LGR5: variants seen among roughly 807,000 people sequenced by gnomAD.
LGR5 encodes leucine rich repeat containing G protein-coupled receptor 5, also known as leucine-rich repeat-containing G protein-coupled receptor 5.
LGR5 carries 54 observed loss-of-function variants against 76.7 expected under a neutral mutation model. The observed-to-expected ratio is 0.70, with a 90% CI of 0.57 to 0.88. The LOEUF (loss-of-function observed/expected upper bound fraction) is 0.88, where lower values mean the gene tolerates loss of function less well. Ranked by LOEUF, LGR5 falls within the 40% of genes least tolerant of loss-of-function variation. LGR5 has a pLI of 0.00. For synonymous variants in LGR5, 406 were observed against 421.9 expected (o/e 0.96, Z 0.46); for missense variants, 1,078 against 1,073.3 (o/e 1.00, Z -0.06).
intron 6 of LGR5, among the ~76,000 whole-genome samples, chr12:71,558,747 A>T (rs1286097404): frequency 6.6e-6 from 1 of 152,202 alleles, no homozygotes; most frequent in African/African-American, 2.4e-5. Flanking sequence ...TTTCTGCGTC[A>T]TCTGGGAAAT....
At position 71,439,921 on chromosome 12, in the gene LGR5, T is replaced by C. The variant is rs554019809; in HGVS notation, c.-160T>C. On this transcript the variant is annotated 5_prime_UTR_variant, in exon 1 of 18. Transcript: ENST00000266674. ...ACCTCTGTCCCCGCCGCGCTTCTCC[T>C]CGCCGCCCACGCCGTGGGGTCAGGA... The C allele has an allele frequency of 1.1e-4, 66 of 626,026 alleles. No individual in the cohort carries two copies. The East Asian group carries it at 2.1e-3, about 20-fold the overall frequency. 38.8% of individuals were successfully genotyped at this position (626,026 alleles called of 1,614,324 possible).
intron 2 of LGR5, among the ~76,000 whole-genome samples, chr12:71,508,948 CTTTGT>C (rs1251389115): frequency 2.0e-5 from 3 of 151,910 alleles, no homozygotes; most frequent in South Asian, 2.1e-4. Flanking sequence ...TTTAGTTTTG[CTTTGT>C]TTTGTTTTGT....
intron 6 of LGR5, 137 bp downstream of exon 6, chr12:71,556,827 A>G (rs1877794978): frequency 1.5e-6 from 1 of 683,534 alleles, no homozygotes; most frequent in Admixed American, 2.3e-5. Context: ...CAGTGGCATT[A>G]TCTTACACAC....
intron 1 of LGR5, among the ~76,000 whole-genome samples, chr12:71,454,614 G>A (rs1036693891): frequency 1.3e-5 from 2 of 152,124 alleles, no homozygotes; most frequent in Admixed American, 6.6e-5. Flanking sequence ...GAACTCAAAG[G>A]AGAGGTGAAG....
In LGR5 at chr12:71,535,206, C is replaced by T; in HGVS notation, c.428+20C>T. 1 of 1,489,816 alleles carries T rather than the reference C, an allele frequency of 6.7e-7. No individual in the cohort carries two copies. The highest frequency in any genetic ancestry group is 9.3e-7 in the Non-Finnish European group (1 of 1,070,846). The allele number at this position is 1,489,816 out of a possible 1,614,324, so 92.3% of individuals were successfully genotyped here. ...ATCCCTGTAAGTATAGTAGACATTG[C>T]AAAATATATTTAAGATCAATTTGGG... On this transcript the variant is annotated intron_variant, in intron 4 of 17. Coordinates refer to ENST00000266674, the MANE Select transcript of LGR5 (RefSeq NM_003667.4).
intron 1 of LGR5, among the ~76,000 whole-genome samples, chr12:71,470,591 G>T (rs965267578): frequency 6.6e-6 from 1 of 152,182 alleles, no homozygotes; most frequent in Admixed American, 6.5e-5. Flanking sequence ...ACACAAATGT[G>T]TATAGAATCA....
chr12:71,572,842 C>A lies in LGR5; in HGVS notation c.1137-8C>A. ...TTGAAATCAATCTTTGGAACCCTGT[C>A]ATTTCAGTGACCTAAGACATAATGA... On this transcript the variant is annotated splice_polypyrimidine_tract_variant and splice_region_variant and intron_variant, in intron 12 of 17. Transcript: ENST00000266674. 6.2e-7 allele frequency: 1 copy of A among 1,609,472 alleles called. No individual in the cohort carries two copies. The highest frequency in any genetic ancestry group is 1.1e-5 in the South Asian group (1 of 90,770).
intron 1 of LGR5, among the ~76,000 whole-genome samples, chr12:71,463,543 A>G (rs1170071383): frequency 6.6e-6 from 1 of 152,216 alleles, no homozygotes; most frequent in African/African-American, 2.4e-5. Flanking sequence ...CTGGTTCTAC[A>G]AAGTACTCAG....
intron 1 of LGR5, among the ~76,000 whole-genome samples, chr12:71,494,175 T>C (rs1184338076): frequency 6.6e-6 from 1 of 150,914 alleles, no homozygotes; most frequent in Non-Finnish European, 1.5e-5. Flanking sequence ...CTTGATCTCC[T>C]GACCTCGTGA....
At chr12:71,579,428 G>A (rs1021423003) in intron 15 of LGR5, among the ~76,000 whole-genome samples, 1 of 152,066 alleles carries the variant, frequency 6.6e-6, no homozygotes, top group Non-Finnish European at 1.5e-5. Flanking sequence ...TTAAAATTAT[G>A]AAAATAATAA....
rs1565770577 is a variant in LGR5, at chr12:71,571,580, G to GT, written c.1136+2dup. ...CAGTCTGCCAAAAGCTTCAGAAAAT[G>GT]TAAGTCTAGAAGTCTCTAAGTCACC... On this transcript the variant is annotated splice_donor_variant, in intron 12 of 17. Transcript: ENST00000266674. LOFTEE classifies it high-confidence loss of function. 2 of 1,607,052 alleles carry GT rather than the reference G, an allele frequency of 1.2e-6. No individual in the cohort carries two copies. The highest frequency in any genetic ancestry group is 2.2e-5 in the East Asian group (1 of 44,812).
intron 1 of LGR5, among the ~76,000 whole-genome samples, chr12:71,478,755 T>C (rs1873451844): frequency 6.6e-6 from 1 of 152,228 alleles, no homozygotes; most frequent in Admixed American, 6.5e-5. Flanking sequence ...ATTCAGGGGC[T>C]ATCTTGTAAT....
chr12:71,444,928 C>T (rs188919499), intron 1 of LGR5, among the ~76,000 whole-genome samples: 1 of 152,194 alleles, frequency 6.6e-6, no homozygotes, highest in Admixed American at 6.5e-5. Flanking sequence ...TTAATTTTGA[C>T]TTACCTTAGC....
At chr12:71,468,313 AG>A in intron 1 of LGR5, among the ~76,000 whole-genome samples, 1 of 152,212 alleles carries the variant, frequency 6.6e-6, no homozygotes, top group Non-Finnish European at 1.5e-5. Flanking sequence ...AGAAGGGCAA[AG>A]TTTCAGTAAT....
intron 2 of LGR5, among the ~76,000 whole-genome samples, chr12:71,519,972 G>T (rs1263406770): frequency 6.6e-6 from 1 of 151,718 alleles, no homozygotes; most frequent in Non-Finnish European, 1.5e-5. Flanking sequence ...ATTATTAGTG[G>T]GAATATATAA....
intron 11 of LGR5, among the ~76,000 whole-genome samples, chr12:71,568,523 G>C (rs1235322612): frequency 6.6e-6 from 1 of 152,144 alleles, no homozygotes; most frequent in Non-Finnish European, 1.5e-5. Context: ...GTTGGAACTT[G>C]AAAAGCCGGG....
chr12:71,525,969 A>C (rs1394332430), intron 3 of LGR5, among the ~76,000 whole-genome samples: 3 of 151,936 alleles, frequency 2.0e-5, no homozygotes, highest in Admixed American at 2.0e-4. Flanking sequence ...TCACTAGTGC[A>C]TTACTAGAGA....
chr12:71,471,254 A>G (rs900962580), intron 1 of LGR5, among the ~76,000 whole-genome samples: 10 of 152,246 alleles, frequency 6.6e-5, no homozygotes, highest in African/African-American at 2.4e-5. Context: ...CCAAATGTCC[A>G]CCAACTGATG....
chr12:71,584,693 A>G lies in LGR5; in HGVS notation c.2683A>G (p.Ser895Gly). The G allele has an allele frequency of 6.2e-7, 1 of 1,613,358 alleles. No individual in the cohort carries two copies. The highest frequency in any genetic ancestry group is 8.5e-7 in the Non-Finnish European group (1 of 1,179,354). Residue 895 changes from serine to glycine, a missense_variant, in exon 18 of 18, where the codon AGC (serine) becomes GGC (glycine). By Grantham distance (56) the Ser-to-Gly change is moderately conservative. Transcript: ENST00000266674. ...VPSPAYPVTE[S>G]CHLSSVAFVP... ...ATCACCAGCTTATCCAGTGACTGAG[A>G]GCTGCCATCTTTCCTCTGTGGCATT...
Sources: gnomAD v4.1 joint callset for allele counts (sites outside exome capture counted in the v4.1 genomes callset) on GRCh38, gnomAD v4.1.1 for gene constraint, MANE v1.5 for transcripts, NCBI Gene and HGNC (gene_info 2026-07-23, HGNC 2026-07-21) for gene names.